The following TSGA13 variants were observed in gnomAD, a reference collection of about 807,000 sequenced individuals.
TSGA13 encodes testis-specific gene 13 protein.
Under a neutral mutation model 35.1 loss-of-function variants are expected in TSGA13, and 37 were observed. The observed-to-expected ratio is 1.05, with a 90% CI of 0.81 to 1.39. TSGA13 has a LOEUF of 1.39. Among genes scored for constraint, TSGA13 ranks in the 40% most tolerant of loss-of-function variants. The probability of loss-of-function intolerance (pLI) is 0.00; values close to 1 mark genes in which losing one functional copy is unlikely to be tolerated. For missense variants in TSGA13, 338 were observed against 328.5 expected (o/e 1.03, Z -0.22); for synonymous variants, 124 against 121.2 (o/e 1.02, Z -0.15).
upstream of TSGA13, chr7:130,687,263 A>G (rs1169960024): frequency 1.3e-5 from 2 of 152,256 alleles, no homozygotes; most frequent in Non-Finnish European, 2.9e-5. Context: ...ACTCTAGACT[A>G]TAGTCACTGG....
chr7:130,677,970 A>G (rs1249791726), intron 5 of TSGA13, among the ~76,000 whole-genome samples: 1 of 152,236 alleles, frequency 6.6e-6, no homozygotes, highest in African/African-American at 2.4e-5. Context: ...CCTTTAAGAC[A>G]GAAACTGTCC....
chr7:130,676,613 T>A (rs972721942), intron 5 of TSGA13, among the ~76,000 whole-genome samples: 1 of 152,226 alleles, frequency 6.6e-6, no homozygotes, highest in African/African-American at 2.4e-5. Flanking sequence ...CCACATGCGG[T>A]AAATTCATTA....
intron 5 of TSGA13, among the ~76,000 whole-genome samples, chr7:130,678,107 G>A (rs1554464375): frequency 1.3e-5 from 2 of 152,066 alleles, no homozygotes; most frequent in African/African-American, 2.4e-5. Flanking sequence ...GGCCGGGCGC[G>A]ATGGCTCACG....
At chr7:130,677,671 C>T (rs1796445913) in intron 5 of TSGA13, among the ~76,000 whole-genome samples, 1 of 151,248 alleles carries the variant, frequency 6.6e-6, no homozygotes, top group Non-Finnish European at 1.5e-5. Context: ...GTGATCTGCC[C>T]GCCTCAGCCT....
chr7:130,675,686 T>A (rs1450560103), intron 5 of TSGA13, among the ~76,000 whole-genome samples: 1 of 152,204 alleles, frequency 6.6e-6, no homozygotes, highest in African/African-American at 2.4e-5. Flanking sequence ...CCAGGCCGGT[T>A]TGAGTCTTCT....
intron 6 of TSGA13, 47 bp downstream of exon 6, chr7:130,672,687 G>A: frequency 6.3e-7 from 1 of 1,595,136 alleles, no homozygotes. Flanking sequence ...ACGTGAATAG[G>A]GAAAAGATAG....
In TSGA13 at chr7:130,668,813, C is replaced by T. The variant is rs1796166774; in HGVS notation, c.*201G>A. ...TTCACTCGGGGCCAAGGCCCGCCCT[C>T]CCCGGCCGCCCTCGGCCCCCGGGAC... On this transcript the variant is annotated 3_prime_UTR_variant, in exon 8 of 8. Transcript: ENST00000356588. 2 of 1,264,716 alleles carry T rather than the reference C, an allele frequency of 1.6e-6. No homozygotes were observed. The highest frequency in any genetic ancestry group is 1.6e-5 in the African/African-American group (1 of 63,160). The allele number at this position is 1,264,716 out of a possible 1,614,324, so 78.3% of individuals were successfully genotyped here. A position where few individuals can be genotyped will look rare whatever the true frequency, so the allele number is the denominator to read the frequency against.
At chr7:130,681,099 A>C in intron 3 of TSGA13, 82 bp from the exon 4 acceptor site, 440 of 1,149,242 alleles carry the variant, frequency 3.8e-4, no homozygotes, top group Non-Finnish European at 5.2e-4. Flanking sequence ...CCTTAGTCTC[A>C]CTGGAGAACT....
Position 130,683,539 on chromosome 7 carries a change from C to T in TSGA13, c.102+55G>A, listed in dbSNP as rs1796595414. The T allele has an allele frequency of 1.3e-5, 19 of 1,517,402 alleles. No homozygotes were observed. The Admixed American group carries it at 2.9e-4, about 23-fold the overall frequency. 94.0% of individuals were successfully genotyped at this position (1,517,402 alleles called of 1,614,324 possible). ...TTTGTGATATCCAGCTTATTAAGTA[C>T]ACTAAGCAGCTCCAAAGAAAAATTA... is the stretch of plus-strand genomic sequence containing the variant. On this transcript the variant is annotated intron_variant, in intron 3 of 7. Transcript: ENST00000356588.
At chr7:130,684,744 A>G (rs980623695) in intron 2 of TSGA13, among the ~76,000 whole-genome samples, 2 of 152,212 alleles carry the variant, frequency 1.3e-5, no homozygotes. Flanking sequence ...GTCCCAACAG[A>G]GTAGGTGACC....
Position 130,669,120 on chromosome 7 carries a change from G to A in TSGA13, c.722C>T (p.Ala241Val). Residue 241 changes from alanine (A) to valine (V), a missense_variant, in exon 8 of 8, where the codon GCA becomes GTA. Physicochemically the swap from Ala to Val is moderately conservative, Grantham distance 64. Coordinates refer to ENST00000356588, the MANE Select transcript of TSGA13 (RefSeq NM_052933.4). ...SKVIREPLTL[A>V]SLLEDMPTRT... ...GGTGGGCATGTCTTCCAAGAGCGAT[G>A]CGAGTGTCAGTGGTTCCCGAATCAC... The A allele has an allele frequency of 6.2e-7, 1 of 1,614,232 alleles. No homozygotes were observed. The highest frequency in any genetic ancestry group is 8.5e-7 in the Non-Finnish European group (1 of 1,180,040).
intron 7 of TSGA13, among the ~76,000 whole-genome samples, chr7:130,669,503 C>A (rs1554462608): frequency 6.6e-6 from 1 of 152,202 alleles, no homozygotes; most frequent in Non-Finnish European, 1.5e-5. Context: ...AACTCATGTT[C>A]CTCTTTTTCT....
chr7:130,671,831 G>A (rs1157895566), intron 6 of TSGA13, 43 bp from the exon 7 acceptor site: 3 of 1,415,690 alleles, frequency 2.1e-6, no homozygotes, highest in Non-Finnish European at 2.8e-6. Context: ...CTAGGGCAGG[G>A]GGATTCATGG....
intron 7 of TSGA13, among the ~76,000 whole-genome samples, chr7:130,670,666 C>T (rs558011024): frequency 6.6e-6 from 1 of 152,186 alleles, no homozygotes; most frequent in African/African-American, 2.4e-5. Flanking sequence ...GTTACCCAGG[C>T]TGGAGTGCAA....
At chr7:130,680,032 C>T (rs944642742) in intron 4 of TSGA13, among the ~76,000 whole-genome samples, 4 of 152,214 alleles carry the variant, frequency 2.6e-5, no homozygotes, top group African/African-American at 9.6e-5. Context: ...CTCTACAACT[C>T]TCTCTAAGGT....
chr7:130,682,571 C>A (rs797041297), intron 3 of TSGA13, among the ~76,000 whole-genome samples: 12 of 152,246 alleles, frequency 7.9e-5, no homozygotes, highest in Admixed American at 2.0e-4. Flanking sequence ...GATTGCTATA[C>A]CTCCCCCATC....
intron 5 of TSGA13, among the ~76,000 whole-genome samples, chr7:130,676,457 T>C (rs999147210): frequency 6.6e-6 from 1 of 152,242 alleles, no homozygotes; most frequent in African/African-American, 2.4e-5. Flanking sequence ...CCAGTTTACA[T>C]GATAGCTTTG....
rs782633870 is a variant in TSGA13, at chr7:130,669,130, G to A, written c.712C>T (p.Leu238=). Residue 238 remains leucine (L), a synonymous_variant, in exon 8 of 8, where the codon CTG becomes TTG. Coordinates refer to ENST00000356588, the MANE Select transcript of TSGA13 (RefSeq NM_052933.4). ...TCTTCCAAGAGCGATGCGAGTGTCA[G>A]TGGTTCCCGAATCACTTTGGAAATT... ...RPISKVIREP[L]TLASLLEDMP... 1.9e-6 allele frequency: 3 copies of A among 1,614,244 alleles called. No individual in the cohort carries two copies. Among genetic ancestry groups the A allele is most frequent in the Non-Finnish European group, 2.5e-6 (3 of 1,180,038 alleles).
At position 130,685,231 on chromosome 7, in the gene TSGA13, C is replaced by T. The variant is rs1554465582; in HGVS notation, c.-21G>A. 6.2e-7 allele frequency: 1 copy of T among 1,612,892 alleles called. No individual in the cohort carries two copies. ...CTCATTGCTGTTGACTGCTAGTTGG[C>T]CAACCCAAGGCAGGTATTCACCCAA... On this transcript the variant is annotated 5_prime_UTR_variant, in exon 2 of 8. Transcript: ENST00000356588.
Sources: allele counts gnomAD v4.1 joint callset (sites outside exome capture counted in the v4.1 genomes callset), GRCh38; gene constraint gnomAD v4.1.1; transcripts MANE v1.5; gene names NCBI Gene and HGNC (gene_info 2026-07-23, HGNC 2026-07-21).